GRIA1: variants seen among roughly 807,000 people sequenced by gnomAD.
The protein encoded by GRIA1 is glutamate receptor 1.
GRIA1 carries 31 observed loss-of-function variants against 99.2 expected under a neutral mutation model. The observed-to-expected ratio is 0.31, with a 90% CI of 0.23 to 0.42. The LOEUF (loss-of-function observed/expected upper bound fraction) is 0.42. Among genes scored for constraint, GRIA1 ranks in the 10% least tolerant of loss-of-function variants. GRIA1 has a pLI of 1.00. For synonymous variants in GRIA1, 438 were observed against 432.4 expected, an observed-to-expected ratio of 1.01 and a Z score of -0.16; for missense variants, 782 against 1,157.5, an observed-to-expected ratio of 0.68 and a Z score of 4.71.
At position 153,591,830 on chromosome 5, in the gene GRIA1, G is replaced by A. The variant is rs551959555; in HGVS notation, c.221-55098G>A. ...GCCAGATTATTAACTACAAACTAAG[G>A]AAGTAGAATAACCTTTTGTGATTGC... On this transcript the variant is annotated intron_variant, in intron 2 of 15. Coordinates refer to ENST00000285900, the MANE Select transcript of GRIA1 (RefSeq NM_000827.4). Among the ~76,000 whole-genome samples the A allele has an allele frequency of 4.6e-5, 7 of 152,304 alleles. No individual in the cohort carries two copies. In the South Asian group the frequency reaches 1.0e-3, roughly 23 times the overall value.
intron 11 of GRIA1, among the ~76,000 whole-genome samples, chr5:153,761,334 G>A (rs954433311): frequency 1.1e-4 from 16 of 151,882 alleles, no homozygotes; most frequent in African/African-American, 3.1e-4. Context: ...ATGCAAATAC[G>A]TCGATTAAAA....
chr5:153,794,141 G>A (rs1765484336), intron 13 of GRIA1, among the ~76,000 whole-genome samples: 1 of 151,988 alleles, frequency 6.6e-6, no homozygotes, highest in Non-Finnish European at 1.5e-5. Context: ...CTCTTTCTAT[G>A]TCTACTGTGA....
At chr5:153,718,605 A>G (rs1759828157) in intron 11 of GRIA1, among the ~76,000 whole-genome samples, 1 of 152,236 alleles carries the variant, frequency 6.6e-6, no homozygotes, top group African/African-American at 2.4e-5. Context: ...CAGAATCATT[A>G]TGAGAATACA....
chr5:153,521,652 C>T (rs979477641), intron 2 of GRIA1, among the ~76,000 whole-genome samples: 19 of 152,250 alleles, frequency 1.2e-4, no homozygotes, highest in Admixed American at 2.6e-4. Flanking sequence ...TTTTGAATAG[C>T]TTCAGATGTA....
chr5:153,763,460 G>A (rs1167510239), intron 11 of GRIA1, among the ~76,000 whole-genome samples: 1 of 152,176 alleles, frequency 6.6e-6, no homozygotes, highest in African/African-American at 2.4e-5. Flanking sequence ...CGGGCTTAAA[G>A]GTACAGGGGC....
chr5:153,736,703 A>T (rs1761403375), intron 11 of GRIA1, among the ~76,000 whole-genome samples: 1 of 152,204 alleles, frequency 6.6e-6, no homozygotes, highest in African/African-American at 2.4e-5. Flanking sequence ...GGCTCAAAGT[A>T]CAATTCCCTA....
chr5:153,637,834 G>T (rs566147496), intron 2 of GRIA1, among the ~76,000 whole-genome samples: 103 of 152,228 alleles, frequency 6.8e-4, no homozygotes, highest in African/African-American at 2.4e-3. Flanking sequence ...TAATTTAGAG[G>T]AATATGAAAC....
At position 153,699,081 on chromosome 5, in the gene GRIA1, C is replaced by A; in HGVS notation, c.1452+8C>A. 6.2e-7 allele frequency: 1 copy of A among 1,600,296 alleles called. No individual in the cohort carries two copies. The highest frequency in any genetic ancestry group is 1.3e-5 in the African/African-American group (1 of 74,744). ...GGAGAGCTGGTCTATGGAGTAAGTT[C>A]ACTGCAGGGTGGGAAATTAGAGGGC... On this transcript the variant is annotated splice_region_variant and intron_variant, in intron 10 of 15. Coordinates refer to ENST00000285900, the MANE Select transcript of GRIA1 (RefSeq NM_000827.4).
chr5:153,638,912 G>A (rs1448689610), intron 2 of GRIA1, among the ~76,000 whole-genome samples: 1 of 152,176 alleles, frequency 6.6e-6, no homozygotes, highest in African/African-American at 2.4e-5. Context: ...GAATGGAAAG[G>A]ATCTGCAAAG....
intron 2 of GRIA1, among the ~76,000 whole-genome samples, chr5:153,500,270 A>G (rs1754864367): frequency 6.6e-6 from 1 of 150,492 alleles, no homozygotes; most frequent in Non-Finnish European, 1.5e-5. Flanking sequence ...AGCTTCATGT[A>G]TTTGTTCATT....
chr5:153,676,825 T>C (rs912236225), intron 6 of GRIA1, among the ~76,000 whole-genome samples, 169 bp from the exon 7 acceptor site: 2 of 152,122 alleles, frequency 1.3e-5, no homozygotes, highest in African/African-American at 2.4e-5. Context: ...TATTTATGCT[T>C]CTCAGGGACA....
At chr5:153,696,958 A>G (rs1405572611) in intron 8 of GRIA1, among the ~76,000 whole-genome samples, 1 of 152,066 alleles carries the variant, frequency 6.6e-6, no homozygotes, top group Non-Finnish European at 1.5e-5. Context: ...TACACTGCTT[A>G]GCCTGGCCTT....
At chr5:153,641,311 C>T (rs887920239) in intron 2 of GRIA1, among the ~76,000 whole-genome samples, 82 of 152,222 alleles carry the variant, frequency 5.4e-4, no homozygotes, top group African/African-American at 1.9e-3. Context: ...GTTGTTAATG[C>T]CAGGAGTTCC....
chr5:153,675,773 A>G (rs1756524974), intron 6 of GRIA1, among the ~76,000 whole-genome samples: 1 of 152,252 alleles, frequency 6.6e-6, no homozygotes, highest in Non-Finnish European at 1.5e-5. Flanking sequence ...AGAAAACTAC[A>G]TAGGAATTAA....
chr5:153,626,827 C>CA (rs910311537), intron 2 of GRIA1, among the ~76,000 whole-genome samples: 4 of 151,810 alleles, frequency 2.6e-5, no homozygotes, highest in Admixed American at 2.0e-4. Context: ...TGGTTAAATC[C>CA]AAAAAAAGAG....
At chr5:153,661,984 G>A (rs1755405280) in intron 5 of GRIA1, among the ~76,000 whole-genome samples, 1 of 152,248 alleles carries the variant, frequency 6.6e-6, no homozygotes, top group South Asian at 2.1e-4. Flanking sequence ...TTCTCAAAGG[G>A]CTCAGACAGT....
intron 2 of GRIA1, among the ~76,000 whole-genome samples, chr5:153,522,437 T>C (rs1757232725): frequency 6.6e-6 from 1 of 152,214 alleles, no homozygotes; most frequent in Non-Finnish European, 1.5e-5. Flanking sequence ...GTAGAGCTCA[T>C]ATTCATAATG....
chr5:153,607,061 AT>A (rs1765510073), intron 2 of GRIA1, among the ~76,000 whole-genome samples: 1 of 147,484 alleles, frequency 6.8e-6, no homozygotes, highest in Non-Finnish European at 1.5e-5. Flanking sequence ...ATATATATAT[AT>A]ATATATAATC....
At chr5:153,523,797 C>A (rs1757370519) in intron 2 of GRIA1, among the ~76,000 whole-genome samples, 1 of 152,112 alleles carries the variant, frequency 6.6e-6, no homozygotes, top group Non-Finnish European at 1.5e-5. Flanking sequence ...AAGAACAGTA[C>A]CTGGCAAATA....
Sources: allele counts gnomAD v4.1 joint callset (sites outside exome capture counted in the v4.1 genomes callset), GRCh38; gene constraint gnomAD v4.1.1; transcripts MANE v1.5; gene names NCBI Gene and HGNC (gene_info 2026-07-23, HGNC 2026-07-21).